The following SLC31A1 variants were observed in gnomAD, a reference collection of about 807,000 sequenced individuals.
SLC31A1 encodes the protein solute carrier family 31 member 1.
Under a neutral mutation model 17.2 loss-of-function variants are expected in SLC31A1, and 5 were observed. The observed-to-expected ratio is 0.29, with a 90% CI of 0.15 to 0.61. The LOEUF (loss-of-function observed/expected upper bound fraction) is 0.61. Among genes scored for constraint, SLC31A1 ranks in the 20% least tolerant of loss-of-function variants. SLC31A1 has a pLI of 0.86. For synonymous variants in SLC31A1, 76 were observed against 78.8 expected, an observed-to-expected ratio of 0.96 and a Z score of 0.19; for missense variants, 161 against 241.4, an observed-to-expected ratio of 0.67 and a Z score of 2.21.
In SLC31A1 at chr9:113,258,639, G is replaced by T; in HGVS notation, c.203-55G>T. 2 of 1,586,570 alleles carry T rather than the reference G, an allele frequency of 1.3e-6. No individual in the cohort carries two copies. The highest frequency in any genetic ancestry group is 1.7e-6 in the Non-Finnish European group (2 of 1,156,442). On this transcript the variant is annotated intron_variant, in intron 3 of 4. Transcript: ENST00000374212. The surrounding 1 kb of genome is among the most constrained non-coding windows in gnomAD (Gnocchi z 4.8). Reference sequence around the variant, plus strand: ...GTCTTTCTAGCTGGACAGCACATTGGCTAATGATTTTGCACATGTTTGACA... The same window carrying T: ...GTCTTTCTAGCTGGACAGCACATTGTCTAATGATTTTGCACATGTTTGACA...
intron 1 of SLC31A1, among the ~76,000 whole-genome samples, chr9:113,255,604 T>G (rs2119014329): frequency 6.6e-6 from 1 of 152,164 alleles, no homozygotes; most frequent in Non-Finnish European, 1.5e-5. Flanking sequence ...TGATTCCACC[T>G]ACTCAGGAGG....
intron 1 of SLC31A1, among the ~76,000 whole-genome samples, chr9:113,241,536 G>C (rs1190502834): frequency 6.6e-6 from 1 of 152,224 alleles, no homozygotes; most frequent in African/African-American, 2.4e-5. Flanking sequence ...TTACTGAGGA[G>C]CACCATGCAA....
intron 1 of SLC31A1, among the ~76,000 whole-genome samples, chr9:113,246,904 T>A (rs1831586763): frequency 6.6e-6 from 1 of 152,112 alleles, no homozygotes; most frequent in Admixed American, 6.6e-5. Context: ...CCTCCCTAAG[T>A]GCTGAGATTA....
intron 1 of SLC31A1, 33 bp downstream of exon 1, chr9:113,221,711 C>T (rs1321383193): frequency 7.2e-6 from 2 of 278,576 alleles, no homozygotes; most frequent in South Asian, 6.5e-5. Flanking sequence ...TTTCGCACCC[C>T]TGTGCATGGG....
At chr9:113,248,734 C>T (rs1831612842) in intron 1 of SLC31A1, among the ~76,000 whole-genome samples, 1 of 152,086 alleles carries the variant, frequency 6.6e-6, no homozygotes. Context: ...CCACCTTGGC[C>T]TCCCAAAGTG....
intron 1 of SLC31A1, among the ~76,000 whole-genome samples, chr9:113,225,776 T>C (rs991988727): frequency 1.3e-5 from 2 of 152,202 alleles, no homozygotes; most frequent in African/African-American, 4.8e-5. Context: ...CAGAGACTCA[T>C]CTCTACTGTT....
chr9:113,224,870 C>A (rs907744040), intron 1 of SLC31A1, among the ~76,000 whole-genome samples: 3 of 152,152 alleles, frequency 2.0e-5, no homozygotes, highest in African/African-American at 7.2e-5. Context: ...TTGTATAGGC[C>A]ATAGACAAGT....
chr9:113,236,067 A>C (rs934551281), intron 1 of SLC31A1, among the ~76,000 whole-genome samples: 2 of 152,194 alleles, frequency 1.3e-5, no homozygotes, highest in Middle Eastern at 3.2e-3. Context: ...GGCTCACTGC[A>C]ACCTCTGCCT....
chr9:113,232,102 T>TA (rs1831408348), intron 1 of SLC31A1, among the ~76,000 whole-genome samples: 1 of 152,220 alleles, frequency 6.6e-6, no homozygotes, highest in Admixed American at 6.5e-5. Flanking sequence ...TGTAAAAGCT[T>TA]ACAAACTTTC....
At chr9:113,247,056 GTTGCTTGA>G (rs75975706) in intron 1 of SLC31A1, among the ~76,000 whole-genome samples, 43 of 152,148 alleles carry the variant, frequency 2.8e-4, no homozygotes, top group Non-Finnish European at 4.4e-4. Context: ...AGTTAAACTG[GTTGCTTGA>G]TCATGTGGAC....
chr9:113,237,194 C>G (rs1434159110), intron 1 of SLC31A1, among the ~76,000 whole-genome samples: 4 of 152,136 alleles, frequency 2.6e-5, no homozygotes, highest in African/African-American at 9.7e-5. Context: ...GGTAGAGCAG[C>G]CAAGAGTACT....
At chr9:113,244,853 T>C (rs1039182211) in intron 1 of SLC31A1, among the ~76,000 whole-genome samples, 2 of 152,268 alleles carry the variant, frequency 1.3e-5, no homozygotes, top group Non-Finnish European at 2.9e-5. Context: ...TGTGGACTGC[T>C]GTCACTTGAC....
At chr9:113,233,077 A>G (rs1221317506) in intron 1 of SLC31A1, among the ~76,000 whole-genome samples, 1 of 152,224 alleles carries the variant, frequency 6.6e-6, no homozygotes, top group Non-Finnish European at 1.5e-5. Flanking sequence ...TTTAGAGGAA[A>G]CTAACTTACC....
chr9:113,223,689 C>A (rs1287999392), intron 1 of SLC31A1, among the ~76,000 whole-genome samples: 1 of 152,182 alleles, frequency 6.6e-6, no homozygotes, highest in Non-Finnish European at 1.5e-5. Flanking sequence ...ACTCCCCTTA[C>A]TCCCTCAGGG....
Position 113,260,423 on chromosome 9 carries a change from T to C in SLC31A1, c.523T>C (p.Phe175Leu). The change falls in exon 5 of 5, where the codon TTC (phenylalanine) becomes CTC (leucine). Residue 175 changes from phenylalanine (F) to leucine (L), a missense_variant. By Grantham distance (22) the Phe-to-Leu change is conservative. Coordinates refer to ENST00000374212, the MANE Select transcript of SLC31A1 (RefSeq NM_001859.4). ...AGGGGCCGGTACAGGATACTTCCTC[T>C]TCAGCTGGAAGAAGGCAGTGGTAGT... ...AAGAGTGYFL[F>L]SWKKAVVVDI... 1 of 1,614,202 alleles carries C rather than the reference T, an allele frequency of 6.2e-7. No individual in the cohort carries two copies. The highest frequency in any genetic ancestry group is 8.5e-7 in the Non-Finnish European group (1 of 1,180,040).
At chr9:113,260,170 G>A (rs2233918) in intron 4 of SLC31A1, 102 bp from the exon 5 acceptor site, 1 of 977,820 alleles carries the variant, frequency 1.0e-6, no homozygotes, top group Non-Finnish European at 1.6e-6. Flanking sequence ...CAGAGTGGCT[G>A]TCCAGTTCCA....
intron 1 of SLC31A1, among the ~76,000 whole-genome samples, chr9:113,234,450 T>G (rs1831433737): frequency 6.7e-6 from 1 of 150,016 alleles, no homozygotes; most frequent in Non-Finnish European, 1.5e-5. Context: ...GTGCTGGGAT[T>G]ACAGGCATGA....
rs765907253 is a variant in SLC31A1, at chr9:113,263,698, G to A, written c.*3225G>A. On this transcript the variant is annotated 3_prime_UTR_variant, in exon 5 of 5. Transcript: ENST00000374212. Reference sequence around the variant, plus strand: ...GACTTTAAGCATGCTTCAAGAGGCAGTTGACCCACTGGAATTTCTATAAGG... The same window carrying A: ...GACTTTAAGCATGCTTCAAGAGGCAATTGACCCACTGGAATTTCTATAAGG... 6.6e-5 allele frequency: 10 copies of A among 152,598 alleles called. No individual in the cohort carries two copies. Among genetic ancestry groups the A allele is most frequent in the Non-Finnish European group, 1.2e-4 (8 of 68,046 alleles). 9.5% of individuals were successfully genotyped at this position (152,598 alleles called of 1,614,324 possible).
At chr9:113,244,803 G>A (rs1831559033) in intron 1 of SLC31A1, among the ~76,000 whole-genome samples, 1 of 152,204 alleles carries the variant, frequency 6.6e-6, no homozygotes, top group Non-Finnish European at 1.5e-5. Flanking sequence ...TTTCCTGAGT[G>A]CAGACTATCC....
Sources: gnomAD v4.1 joint callset for allele counts (sites outside exome capture counted in the v4.1 genomes callset) on GRCh38, gnomAD v4.1.1 for gene constraint, Gnocchi (gnomAD v3.1) non-coding constraint, MANE v1.5 for transcripts, NCBI Gene and HGNC (gene_info 2026-07-23, HGNC 2026-07-21) for gene names.